Variants in USP3 observed in about 807,000 individuals in gnomAD.
The protein encoded by USP3 is ubiquitin specific peptidase 3.
In USP3, 20 loss-of-function variants were observed where a neutral mutation model predicts 72.3. The observed-to-expected ratio is 0.28, with a 90% CI of 0.19 to 0.40. The LOEUF (loss-of-function observed/expected upper bound fraction) is 0.40, where lower values mean the gene tolerates loss of function less well. Among genes scored for constraint, USP3 ranks in the 10% least tolerant of loss-of-function variants. The probability of loss-of-function intolerance (pLI) is 1.00; values close to 1 mark genes in which losing one functional copy is unlikely to be tolerated. For synonymous variants in USP3, 222 were observed against 225.3 expected, an observed-to-expected ratio of 0.99 and a Z score of 0.13; for missense variants, 479 against 633.9, an observed-to-expected ratio of 0.76 and a Z score of 2.62.
chr15:63,581,340 GGTTTTTGTGTGTGT>G (rs1158756326), intron 11 of USP3, among the ~76,000 whole-genome samples: 6 of 124,126 alleles, frequency 4.8e-5, no homozygotes, highest in African/African-American at 1.8e-4. Context: ...TGTTTGTGTT[GGTTTTTGTGTGTGT>G]GTGTGTGTGT....
chr15:63,528,303 G>A lies in USP3; in HGVS notation c.92-4344G>A, dbSNP rs1259687451. Among the ~76,000 whole-genome samples, 3 of 152,100 alleles carry A rather than the reference G, an allele frequency of 2.0e-5. No individual in the cohort carries two copies. The highest frequency in any genetic ancestry group is 2.1e-4 in the South Asian group (1 of 4,826). ...CACTTATGAGACTCCCAGTCACACC[G>A]CTATGGCCAAGTGTGAGAAATAAAT... On this transcript the variant is annotated intron_variant, in intron 1 of 14. Transcript: ENST00000380324. This position sits in a 1 kb window ranked among gnomAD's most constrained non-coding sequence, Gnocchi z 4.3.
At chr15:63,579,568 G>A (rs1190750365) in intron 11 of USP3, among the ~76,000 whole-genome samples, 1 of 152,104 alleles carries the variant, frequency 6.6e-6, no homozygotes, top group African/African-American at 2.4e-5. Context: ...TTAATTTGAG[G>A]TTTCAATATT....
At chr15:63,539,233 AATTCTTGAAGTAT>A (rs2152662799) in intron 3 of USP3, among the ~76,000 whole-genome samples, 1 of 152,228 alleles carries the variant, frequency 6.6e-6, no homozygotes, top group African/African-American at 2.4e-5. Flanking sequence ...AAATTAATAT[AATTCTTGAAGTAT>A]CTGTCTCACA....
chr15:63,582,794 C>T (rs901203443), intron 11 of USP3, among the ~76,000 whole-genome samples: 1 of 152,068 alleles, frequency 6.6e-6, no homozygotes, highest in East Asian at 1.9e-4. Context: ...AGGAAGGCTG[C>T]GAGAGGTGCT....
chr15:63,561,712 G>A (rs1377151451), intron 7 of USP3, among the ~76,000 whole-genome samples: 1 of 152,236 alleles, frequency 6.6e-6, no homozygotes, highest in African/African-American at 2.4e-5. Context: ...AGCTTCGGAA[G>A]TGGGAGGCAA....
At chr15:63,523,735 G>T (rs2065946685) in intron 1 of USP3, among the ~76,000 whole-genome samples, 1 of 152,184 alleles carries the variant, frequency 6.6e-6, no homozygotes, top group African/African-American at 2.4e-5. Context: ...GCATGATGGG[G>T]ATCAAGTCAT....
chr15:63,508,105 AGAAT>A (rs1426509423), intron 1 of USP3, among the ~76,000 whole-genome samples: 1 of 152,174 alleles, frequency 6.6e-6, no homozygotes, highest in African/African-American at 2.4e-5. Flanking sequence ...TGCTTGTGAG[AGAAT>A]GACTGTAAAC....
chr15:63,588,577 G>T lies in USP3; in HGVS notation c.1216-125G>T. On this transcript the variant is annotated intron_variant, in intron 12 of 14. Coordinates refer to ENST00000380324, the MANE Select transcript of USP3 (RefSeq NM_006537.4). The surrounding 1 kb of genome is among the most constrained non-coding windows in gnomAD (Gnocchi z 4.6). The stretch of plus-strand genomic sequence containing the variant: ...ACCCCTTACAGAATGAATGCATAAG[G>T]TATGCATGGAAGAATGATTGATAGG... The T allele has an allele frequency of 7.7e-6, 7 of 914,340 alleles. No individual in the cohort carries two copies. The highest frequency in any genetic ancestry group is 1.0e-5 in the Non-Finnish European group (6 of 578,650). 56.6% of individuals were successfully genotyped at this position (914,340 alleles called of 1,614,324 possible).
At chr15:63,536,383 A>G (rs1376232993) in intron 2 of USP3, among the ~76,000 whole-genome samples, 1 of 151,792 alleles carries the variant, frequency 6.6e-6, no homozygotes, top group Non-Finnish European at 1.5e-5. Flanking sequence ...CCCTGTGGGA[A>G]GTGGCTGAGT....
rs530605991 is a variant in USP3 at position 63,590,888 on chromosome 15, T to C, written c.*62T>C. 1 of 1,496,400 alleles carries C rather than the reference T, an allele frequency of 6.7e-7. No homozygotes were observed. The highest frequency in any genetic ancestry group is 1.4e-5 in the African/African-American group (1 of 70,854). The allele number at this position is 1,496,400 out of a possible 1,614,324, so 92.7% of individuals were successfully genotyped here. A position where few individuals can be genotyped will look rare whatever the true frequency, so the allele number is the denominator to read the frequency against. On this transcript the variant is annotated 3_prime_UTR_variant, in exon 15 of 15. Transcript: ENST00000380324. ...AGAAACATTTCCAGTTTTCCACAAA[T>C]ACTTGATACAAGATTTAATTTCATT...
At position 63,574,089 on chromosome 15, in the gene USP3, C is replaced by T. The variant is rs2066822998; in HGVS notation, c.952C>T (p.Leu318Phe). ...TVVTAIFGGI[L>F]QNEVNCLICG... ...TGTCACGGCTATATTCGGAGGCATT[C>T]TCCAAAATGAGGTTAACTGCCTCAT... is the stretch of plus-strand genomic sequence containing the variant. The change falls in exon 10 of 15, where the codon CTC becomes TTC. Residue 318 changes from leucine to phenylalanine, a missense_variant. By Grantham distance (22) the Leu-to-Phe change is conservative (BLOSUM62 0). Coordinates refer to ENST00000380324, the MANE Select transcript of USP3 (RefSeq NM_006537.4). The surrounding 1 kb of genome is among the most constrained non-coding windows in gnomAD (Gnocchi z 4.6). 1 of 1,598,702 alleles carries T rather than the reference C, an allele frequency of 6.3e-7. No individual in the cohort carries two copies. The highest frequency in any genetic ancestry group is 1.7e-5 in the Admixed American group (1 of 59,422).
At chr15:63,573,945 G>C in intron 9 of USP3, 101 bp from the exon 10 acceptor site, 1 of 644,888 alleles carries the variant, frequency 1.6e-6, no homozygotes, top group Non-Finnish European at 2.4e-6. Flanking sequence ...TTCCCTCAAA[G>C]GCAGTCATCT....
chr15:63,581,892 C>T (rs1373082130), intron 11 of USP3, among the ~76,000 whole-genome samples: 1 of 149,936 alleles, frequency 6.7e-6, no homozygotes, highest in African/African-American at 2.5e-5. Flanking sequence ...ACCCTTTTGC[C>T]CAGGCTGGTC....
intron 3 of USP3, among the ~76,000 whole-genome samples, chr15:63,548,074 G>A (rs2066378893): frequency 7.6e-6 from 1 of 131,740 alleles, no homozygotes; most frequent in Non-Finnish European, 1.6e-5. Context: ...TGGGGCCACT[G>A]CAATCCAGCC....
intron 11 of USP3, among the ~76,000 whole-genome samples, chr15:63,581,903 T>G (rs1339111850): frequency 1.4e-5 from 2 of 146,658 alleles, no homozygotes; most frequent in Non-Finnish European, 3.0e-5. Context: ...CAGGCTGGTC[T>G]TGAATTCCTA....
intron 3 of USP3, among the ~76,000 whole-genome samples, chr15:63,549,338 G>A (rs916010807): frequency 1.3e-5 from 2 of 152,154 alleles, no homozygotes; most frequent in Non-Finnish European, 2.9e-5. Context: ...TCCAGTATTT[G>A]TATCTGTATT....
intron 11 of USP3, among the ~76,000 whole-genome samples, chr15:63,575,158 GTTT>G (rs11321018): frequency 0.026 from 3,126 of 121,454 alleles, 122 homozygotes; most frequent in African/African-American, 0.092. Flanking sequence ...TGTCATGATG[GTTT>G]TTTTTTTTTT....
At chr15:63,586,281 C>T (rs2067059958) in intron 11 of USP3, among the ~76,000 whole-genome samples, 1 of 152,178 alleles carries the variant, frequency 6.6e-6, no homozygotes, top group Admixed American at 6.5e-5. Context: ...TTCAGTCTTT[C>T]ACCATTGAGT....
intron 6 of USP3, among the ~76,000 whole-genome samples, chr15:63,559,348 A>G (rs1320483272): frequency 6.6e-6 from 1 of 152,228 alleles, no homozygotes; most frequent in East Asian, 1.9e-4. Flanking sequence ...TCCCAAGGTT[A>G]CATTGCTGAT....
Sources: gnomAD v4.1 joint callset for allele counts (sites outside exome capture counted in the v4.1 genomes callset) on GRCh38, gnomAD v4.1.1 for gene constraint, Gnocchi (gnomAD v3.1) non-coding constraint, MANE v1.5 for transcripts, NCBI Gene and HGNC (gene_info 2026-07-23, HGNC 2026-07-21) for gene names.